The following SPTBN2 variants were observed in gnomAD, a reference collection of about 807,000 sequenced individuals.
The protein encoded by SPTBN2 is spectrin beta, non-erythrocytic 2.
A neutral mutation model predicts 284.2 loss-of-function variants in SPTBN2; 107 were observed. The observed-to-expected ratio is 0.38, with a 90% CI of 0.32 to 0.44. The LOEUF (loss-of-function observed/expected upper bound fraction) is 0.44. SPTBN2 is among the 20% of genes least tolerant of loss of function. The pLI, the probability that SPTBN2 is intolerant of heterozygous loss-of-function variation, is 1.00. For synonymous variants in SPTBN2, 1,289 were observed against 1,354.8 expected (o/e 0.95, Z 1.07); for missense variants, 2,569 against 3,287.1 (o/e 0.78, Z 5.34).
chr11:66,700,169 G>C lies in SPTBN2; in HGVS notation c.3573+357C>G, dbSNP rs1214449768. ...GGGGTCTCACTATGTTGCCCAGGCT[G>C]GTCTCAAACTCCTGAGCTCAAGTTA... On this transcript the variant is annotated intron_variant, in intron 17 of 37. Transcript: ENST00000533211. This position sits in a 1 kb window ranked among gnomAD's most constrained non-coding sequence, Gnocchi z 6.6. Among the ~76,000 whole-genome samples the C allele has an allele frequency of 6.6e-6, 1 of 151,716 alleles. No individual in the cohort carries two copies. The highest frequency in any genetic ancestry group is 1.5e-5 in the Non-Finnish European group (1 of 67,950).
Position 66,683,228 on chromosome 11 carries a change from C to T in SPTBN2, c.*2643G>A, listed in dbSNP as rs1318933653. Among the ~76,000 whole-genome samples the T allele has an allele frequency of 6.6e-6, 1 of 151,850 alleles. No homozygotes were observed. The highest frequency in any genetic ancestry group is 1.5e-5 in the Non-Finnish European group (1 of 67,948). On this transcript the variant is annotated 3_prime_UTR_variant, in exon 38 of 38. Coordinates refer to ENST00000533211, the MANE Select transcript of SPTBN2 (RefSeq NM_006946.4). ...GACTACAGGCGCCCGCCACTACGCC[C>T]GGCTAATTTTTGTATTTTTAGTAGA...
At chr11:66,734,334 A>C (rs562439014) in intron 1 of SPTBN2, among the ~76,000 whole-genome samples, 1 of 152,190 alleles carries the variant, frequency 6.6e-6, no homozygotes, top group East Asian at 1.9e-4. Flanking sequence ...TCTTCTGGAA[A>C]CCCTTCAGTG....
At position 66,687,551 on chromosome 11, in the gene SPTBN2, T is replaced by C; in HGVS notation, c.6598A>G (p.Thr2200Ala). The change falls in exon 35 of 38, where the codon ACC becomes GCC. Residue 2200 changes from threonine to alanine, a missense_variant. By Grantham distance (58) the Thr-to-Ala change is moderately conservative. Transcript: ENST00000533211. This position sits in a 1 kb window ranked among gnomAD's most constrained non-coding sequence, Gnocchi z 5.2. ...AGGGTGGCAGCATGGGCTGACTCGG[T>C]AGACCTGCTCTGGGGCATTGCAGAT... ...APSAMPQSRS[T>A]ESAHAATLPP... The C allele has an allele frequency of 6.2e-7, 1 of 1,612,242 alleles. No homozygotes were observed. Among genetic ancestry groups the C allele is most frequent in the Non-Finnish European group, 8.5e-7 (1 of 1,179,982 alleles).
intron 1 of SPTBN2, among the ~76,000 whole-genome samples, chr11:66,727,384 C>T (rs959240096): frequency 7.2e-5 from 11 of 152,158 alleles, no homozygotes; most frequent in Admixed American, 6.5e-5. Flanking sequence ...CAGGTTAAGA[C>T]CGGGGCAAAC....
Position 66,693,347 on chromosome 11 carries a change from C to T in SPTBN2, c.4693G>A (p.Glu1565Lys). 5 of 1,608,446 alleles carry T rather than the reference C, an allele frequency of 3.1e-6. No homozygotes were observed. The highest frequency in any genetic ancestry group is 3.4e-6 in the Non-Finnish European group (4 of 1,180,010). Residue 1565 changes from glutamate to lysine, a missense_variant, in exon 24 of 38, where the codon GAG becomes AAG. Glu to Lys is a moderately conservative substitution (Grantham distance 56). Around this residue, in one of 6 missense-constraint regions of SPTBN2, gnomAD observed 1,130 missense variants for 1,317.3 expected, o/e 0.86. Coordinates refer to ENST00000533211, the MANE Select transcript of SPTBN2 (RefSeq NM_006946.4). This position sits in a 1 kb window ranked among gnomAD's most constrained non-coding sequence, Gnocchi z 5.7. ...AGGCGTTTCCACATTTCCTGCAGCT[C>T]AGCCAGCTCTGGACCTGCTGCTGCT... The part of the protein sequence containing the change: ...GAAAAGPELA[E>K]LQEMWKRLGH...
rs1330082844 is a variant in SPTBN2, at chr11:66,685,236, C to T, written c.*635G>A. 1.9e-5 allele frequency: 3 copies of T among 156,716 alleles called. No individual in the cohort carries two copies. The highest frequency in any genetic ancestry group is 2.4e-5 in the African/African-American group (1 of 41,440). 9.7% of individuals were successfully genotyped at this position (156,716 alleles called of 1,614,324 possible). ...GAGGCTGTGGTCAGGAAAGCAAAGACACCCAGAGGCGGTGAGAGAAGCTGA... is the reference window on the plus strand; with the variant it reads ...GAGGCTGTGGTCAGGAAAGCAAAGATACCCAGAGGCGGTGAGAGAAGCTGA... On this transcript the variant is annotated 3_prime_UTR_variant, in exon 38 of 38. Transcript: ENST00000533211. The surrounding 1 kb of genome is among the most constrained non-coding windows in gnomAD (Gnocchi z 4.4).
chr11:66,724,252 T>A (rs1942533930), intron 1 of SPTBN2, among the ~76,000 whole-genome samples: 1 of 152,052 alleles, frequency 6.6e-6, no homozygotes, highest in Non-Finnish European at 1.5e-5. Context: ...GAAACCCCCG[T>A]CTCTACTAAA....
chr11:66,715,520 C>T lies in SPTBN2; in HGVS notation c.310-125G>A. ...CCTCAGGAACACAGACAGGCACAGCCCCAGGGCTGGAGCCAAAGCTGAGCT... is the reference window on the plus strand; with the variant it reads ...CCTCAGGAACACAGACAGGCACAGCTCCAGGGCTGGAGCCAAAGCTGAGCT... On this transcript the variant is annotated intron_variant, in intron 4 of 37. Coordinates refer to ENST00000533211, the MANE Select transcript of SPTBN2 (RefSeq NM_006946.4). This position sits in a 1 kb window ranked among gnomAD's most constrained non-coding sequence, Gnocchi z 5.3. 1 of 1,330,156 alleles carries T rather than the reference C, an allele frequency of 7.5e-7. No individual in the cohort carries two copies. Among genetic ancestry groups the T allele is most frequent in the Non-Finnish European group, 1.0e-6 (1 of 978,978 alleles). 82.4% of individuals were successfully genotyped at this position (1,330,156 alleles called of 1,614,324 possible). A position where few individuals can be genotyped will look rare whatever the true frequency, so the allele number is the denominator to read the frequency against.
rs780800876 is a variant in SPTBN2 at position 66,693,401 on chromosome 11, G to A, written c.4639C>T (p.Leu1547=). 3.7e-6 allele frequency: 6 copies of A among 1,600,814 alleles called. No individual in the cohort carries two copies. Among genetic ancestry groups the A allele is most frequent in the East Asian group, 4.5e-5 (2 of 44,894 alleles). Reference sequence around the variant, plus strand: ...CCTAGAGCACGCTGCCGCTCCCTCAGGTCCGCGATCCGGGGCTCATGGCCC... The same window carrying A: ...CCTAGAGCACGCTGCCGCTCCCTCAAGTCCGCGATCCGGGGCTCATGGCCC... ...IQGHEPRIAD[L]RERQRALGAA... is the part of the protein sequence containing the mutation. The change falls in exon 24 of 38, where the codon CTG becomes TTG. Residue 1547 remains leucine (L), a synonymous_variant. Transcript: ENST00000533211. This position sits in a 1 kb window ranked among gnomAD's most constrained non-coding sequence, Gnocchi z 5.7.
intron 20 of SPTBN2, among the ~76,000 whole-genome samples, 186 bp from the exon 21 acceptor site, chr11:66,696,726 A>G (rs1263924538): frequency 6.6e-6 from 1 of 152,032 alleles, no homozygotes; most frequent in Non-Finnish European, 1.5e-5. Flanking sequence ...CTGTTCCCTC[A>G]CTGCTGATGA....
intron 1 of SPTBN2, among the ~76,000 whole-genome samples, chr11:66,738,677 G>C (rs1410323728): frequency 2.0e-5 from 3 of 152,006 alleles, no homozygotes; most frequent in Non-Finnish European, 4.4e-5. Context: ...CACCACGCCC[G>C]GCTAATTTTT....
At position 66,714,086 on chromosome 11, in the gene SPTBN2, C is replaced by T; in HGVS notation, c.656+5G>A. 1 of 1,614,246 alleles carries T rather than the reference C, an allele frequency of 6.2e-7. No individual in the cohort carries two copies. The highest frequency in any genetic ancestry group is 1.3e-5 in the African/African-American group (1 of 75,074). ...CTGCTGCGTTTGCTAACCCCATCTTCTCACCGGTGTTTATGCACGATGGCG... is the reference window on the plus strand; with the variant it reads ...CTGCTGCGTTTGCTAACCCCATCTTTTCACCGGTGTTTATGCACGATGGCG... On this transcript the variant is annotated splice_donor_5th_base_variant and intron_variant, in intron 7 of 37. Transcript: ENST00000533211.
chr11:66,686,371 C>T, intron 37 of SPTBN2, 27 bp downstream of exon 37: 4 of 1,614,018 alleles, frequency 2.5e-6, no homozygotes, highest in Non-Finnish European at 3.4e-6. Context: ...ATGGCACGGA[C>T]AGAGAGGAAC....
rs1422965528 is a variant in SPTBN2, at chr11:66,691,080, G to A, written c.5565+204C>T. On this transcript the variant is annotated intron_variant, in intron 27 of 37. Transcript: ENST00000533211. This position sits in a 1 kb window ranked among gnomAD's most constrained non-coding sequence, Gnocchi z 8.0. ...GATCCGCCCTCCTCGGCCTCCCAAAGTGCTGGGATTACAGGCGAGAGCCAC... is the reference window on the plus strand; with the variant it reads ...GATCCGCCCTCCTCGGCCTCCCAAAATGCTGGGATTACAGGCGAGAGCCAC... Among the ~76,000 whole-genome samples, 1 of 152,174 alleles carries A rather than the reference G, an allele frequency of 6.6e-6. No individual in the cohort carries two copies. The highest frequency in any genetic ancestry group is 1.5e-5 in the Non-Finnish European group (1 of 68,046).
In SPTBN2 at chr11:66,700,509, T is replaced by C; in HGVS notation, c.3573+17A>G. Reference sequence around the variant, plus strand: ...TTTGCTCTTCCTCCTGCTTGGGACTTTGCCCTGGACTTTCACCTGGCTGCT... The same window carrying C: ...TTTGCTCTTCCTCCTGCTTGGGACTCTGCCCTGGACTTTCACCTGGCTGCT... On this transcript the variant is annotated intron_variant, in intron 17 of 37. Coordinates refer to ENST00000533211, the MANE Select transcript of SPTBN2 (RefSeq NM_006946.4). This position sits in a 1 kb window ranked among gnomAD's most constrained non-coding sequence, Gnocchi z 6.6. 6.2e-7 allele frequency: 1 copy of C among 1,601,774 alleles called. No individual in the cohort carries two copies. The highest frequency in any genetic ancestry group is 8.5e-7 in the Non-Finnish European group (1 of 1,179,930).
chr11:66,705,634 T>A, intron 14 of SPTBN2, 50 bp downstream of exon 14: 2 of 1,606,546 alleles, frequency 1.2e-6, no homozygotes, highest in Non-Finnish European at 1.7e-6. Context: ...CGGCTCTTGA[T>A]GTGCTCCTTC....
chr11:66,721,456 C>T lies in SPTBN2; in HGVS notation c.-113-16G>A. 1.6e-6 allele frequency: 1 copy of T among 626,654 alleles called. No homozygotes were observed. The highest frequency in any genetic ancestry group is 2.9e-6 in the Non-Finnish European group (1 of 350,338). The allele number at this position is 626,654 out of a possible 1,614,324, so 38.8% of individuals were successfully genotyped here. A position where few individuals can be genotyped will look rare whatever the true frequency, so the allele number is the denominator to read the frequency against. ...CCTGGGAAGCCTGGGGACGGGAATA[C>T]ATCAGAAGCACAGAAAGTGAAGCAG... On this transcript the variant is annotated splice_polypyrimidine_tract_variant and intron_variant, in intron 1 of 37. Transcript: ENST00000533211.
In SPTBN2 at chr11:66,687,060, C is replaced by T; in HGVS notation, c.6830G>A (p.Ser2277Asn). Residue 2277 changes from serine to asparagine, a missense_variant, in exon 36 of 38, where the codon AGC (serine) becomes AAC (asparagine). By Grantham distance (46) the Ser-to-Asn change is conservative. This residue lies in a region of SPTBN2 where 1,130 missense variants were observed against 1,317.3 expected (regional missense o/e 0.86). Coordinates refer to ENST00000533211, the MANE Select transcript of SPTBN2 (RefSeq NM_006946.4). This position sits in a 1 kb window ranked among gnomAD's most constrained non-coding sequence, Gnocchi z 5.2. ...GACGCTGCCCTGGGCCCTGGCCAGGCTGACAGGCACTTCTCCGTGGTATGG... is the reference window on the plus strand; with the variant it reads ...GACGCTGCCCTGGGCCCTGGCCAGGTTGACAGGCACTTCTCCGTGGTATGG... ...GVPYHGEVPV[S>N]LARAQGSVAF... The T allele has an allele frequency of 1.2e-6, 2 of 1,614,156 alleles. No individual in the cohort carries two copies. The highest frequency in any genetic ancestry group is 1.6e-4 in the Middle Eastern group (1 of 6,062).
rs758710925 is a variant in SPTBN2 at position 66,704,758 on chromosome 11, G to A, written c.2518C>T (p.Arg840Trp). 2.4e-5 allele frequency: 38 copies of A among 1,603,844 alleles called. No homozygotes were observed. The highest frequency in any genetic ancestry group is 6.7e-5 in the African/African-American group (5 of 74,744). The part of the protein sequence containing the change: ...LERHYEELQA[R>W]AGERARALEA... ...AAGGCCCGCGCTCGCTCGCCTGCCC[G>A]GGCCTGCAGCTCCTCGTAGTGCCGC... Residue 840 changes from arginine (R) to tryptophan (W), a missense_variant, in exon 15 of 38, where the codon CGG becomes TGG. Physicochemically the swap from Arg to Trp is moderately radical, Grantham distance 101. Coordinates refer to ENST00000533211, the MANE Select transcript of SPTBN2 (RefSeq NM_006946.4).
Sources: allele counts gnomAD v4.1 joint callset (sites outside exome capture counted in the v4.1 genomes callset), GRCh38; gene constraint gnomAD v4.1.1; regional missense constraint gnomAD v4.1.1; non-coding constraint Gnocchi (gnomAD v3.1); transcripts MANE v1.5; gene names NCBI Gene and HGNC (gene_info 2026-07-23, HGNC 2026-07-21).